Variants in PARP16 observed in about 807,000 individuals in gnomAD.
The protein encoded by PARP16 is poly(ADP-ribose) polymerase family member 16.
PARP16 carries 31 observed loss-of-function variants against 35.0 expected under a neutral mutation model. The observed-to-expected ratio is 0.88, with a 90% confidence interval of 0.66 to 1.19. The LOEUF (loss-of-function observed/expected upper bound fraction) is 1.19. Ranked by LOEUF, PARP16 falls within the 50% of genes most tolerant of loss-of-function variation. The pLI is 0.00. For missense variants in PARP16, 424 were observed against 411.2 expected (o/e 1.03, Z -0.27); for synonymous variants, 162 against 169.5 (o/e 0.96, Z 0.34).
At chr15:65,243,311 G>A (rs1177004957) in intron 3 of PARP16, among the ~76,000 whole-genome samples, 1 of 151,926 alleles carries the variant, frequency 6.6e-6, no homozygotes, top group Non-Finnish European at 1.5e-5. Context: ...GAGTGCAGTG[G>A]CGCAATCTCA....
chr15:65,253,980 G>C (rs2089433253), downstream of PARP16, among the ~76,000 whole-genome samples: 2 of 152,068 alleles, frequency 1.3e-5, no homozygotes, highest in African/African-American at 4.8e-5. Flanking sequence ...ACCACACCCG[G>C]CTAATTTTTG....
At chr15:65,272,780 T>C (rs1208347018) in intron 1 of PARP16, among the ~76,000 whole-genome samples, 2 of 152,196 alleles carry the variant, frequency 1.3e-5, no homozygotes, top group African/African-American at 4.8e-5. Flanking sequence ...CTGTTGAGCT[T>C]CTATCTCCTC....
At chr15:65,259,621 C>G in intron 5 of PARP16, 79 bp from the exon 6 acceptor site, 5 of 1,310,838 alleles carry the variant, frequency 3.8e-6, no homozygotes, top group Non-Finnish European at 5.4e-6. Context: ...AAGTCTGGCT[C>G]TAAGAAGACA....
intron 2 of PARP16, among the ~76,000 whole-genome samples, chr15:65,267,423 C>T (rs1302515779): frequency 7.9e-5 from 12 of 151,046 alleles, no homozygotes; most frequent in African/African-American, 2.9e-4. Context: ...CCAGCTAACA[C>T]GGTGAAACCC....
At chr15:65,256,070 T>C (rs567899771), downstream of PARP16, among the ~76,000 whole-genome samples, 1 of 152,326 alleles carries the variant, frequency 6.6e-6, no homozygotes, top group South Asian at 2.1e-4. Flanking sequence ...ATAACCGTGG[T>C]TTCTCAGCAC....
In PARP16 at chr15:65,267,633, A is replaced by C. The variant is rs199880166; in HGVS notation, c.313-865T>G. 7.3e-5 allele frequency among the ~76,000 whole-genome samples: 4 copies of C among 55,092 alleles called. No homozygotes were observed. In the Admixed American group the frequency reaches 9.1e-4, roughly 13 times the overall value. 36.1% of individuals were successfully genotyped at this position (55,092 alleles called of 152,430 possible). A position where few individuals can be genotyped will look rare whatever the true frequency, so the allele number is the denominator to read the frequency against. On this transcript the variant is annotated intron_variant, in intron 2 of 5. Transcript: ENST00000649807. ...AAAAATAAATAAATTAATTAATTAA[A>C]TAATAATTAAAAAAATAAGTGGAGA...
intron 3 of PARP16, among the ~76,000 whole-genome samples, chr15:65,241,572 A>G (rs2089081814): frequency 6.6e-6 from 1 of 152,016 alleles, no homozygotes; most frequent in Non-Finnish European, 1.5e-5. Context: ...GTGGTATTTC[A>G]CTATGTTTTA....
chr15:65,276,595 G>A (rs1330811507), intron 1 of PARP16, among the ~76,000 whole-genome samples: 2 of 151,962 alleles, frequency 1.3e-5, no homozygotes, highest in South Asian at 2.1e-4. Flanking sequence ...CAAAACTCCC[G>A]GGCTCATGCA....
chr15:65,242,691 AAC>A (rs1437058169), intron 3 of PARP16, among the ~76,000 whole-genome samples: 1 of 152,128 alleles, frequency 6.6e-6, no homozygotes, highest in Non-Finnish European at 1.5e-5. Flanking sequence ...CAACTTTGCT[AAC>A]CTCAGTTATT....
At chr15:65,270,370 A>T (rs2090055031) in intron 2 of PARP16, among the ~76,000 whole-genome samples, 1 of 152,210 alleles carries the variant, frequency 6.6e-6, no homozygotes, top group Non-Finnish European at 1.5e-5. Flanking sequence ...ATAAATGGAA[A>T]AAAGGAGGCC....
chr15:65,276,363 A>C lies in PARP16; in HGVS notation c.175-5291T>G, dbSNP rs1280846037. 3.9e-5 allele frequency among the ~76,000 whole-genome samples: 6 copies of C among 152,198 alleles called. No homozygotes were observed. In the East Asian group the frequency reaches 1.2e-3, roughly 29 times the overall value. ...ATTTCAGATAAACAACAACAACAAC[A>C]AAAGACCCATTTTGTTTTTTTTAAA... On this transcript the variant is annotated intron_variant, in intron 1 of 5. Coordinates refer to ENST00000649807, the MANE Select transcript of PARP16 (RefSeq NM_001316943.2).
At chr15:65,256,035 T>G (rs1482431830), downstream of PARP16, among the ~76,000 whole-genome samples, 1 of 152,184 alleles carries the variant, frequency 6.6e-6, no homozygotes, top group Non-Finnish European at 1.5e-5. Flanking sequence ...TCCAATCCAG[T>G]AAATCCAACA....
intron 2 of PARP16, among the ~76,000 whole-genome samples, chr15:65,250,134 T>A (rs1319608934): frequency 9.2e-6 from 1 of 108,946 alleles, no homozygotes; most frequent in Non-Finnish European, 2.0e-5. Context: ...TTTTTTTTTT[T>A]TGAGACAGAG....
At chr15:65,232,127 C>T (rs868301811), downstream of PARP16, among the ~76,000 whole-genome samples, 1 of 152,146 alleles carries the variant, frequency 6.6e-6, no homozygotes, top group Non-Finnish European at 1.5e-5. Context: ...GGTGGCTCAA[C>T]ACTGGTAATC....
In PARP16 at chr15:65,266,674, G is replaced by T; in HGVS notation, c.407C>A (p.Ala136Asp). 6.2e-7 allele frequency: 1 copy of T among 1,614,116 alleles called. No homozygotes were observed. Among genetic ancestry groups the T allele is most frequent in the Non-Finnish European group, 8.5e-7 (1 of 1,179,996 alleles). The change falls in exon 3 of 6, where the codon GCC (alanine) becomes GAC (aspartate). Residue 136 changes from alanine (A) to aspartate (D), a missense_variant. By Grantham distance (126) the Ala-to-Asp change is moderately radical. Coordinates refer to ENST00000649807, the MANE Select transcript of PARP16 (RefSeq NM_001316943.2). ...FEIEYFDPAN[A>D]KFYETKGERD... ...TTCTCCTTTGGTCTCATAAAATTTG[G>T]CGTTGGCTGGGTCAAAGTACTCAAT...
intron 1 of PARP16, among the ~76,000 whole-genome samples, chr15:65,272,441 G>T (rs571107691): frequency 6.6e-6 from 1 of 152,164 alleles, no homozygotes; most frequent in Non-Finnish European, 1.5e-5. Context: ...AGTTATGACT[G>T]ACTAGAGGTC....
rs766723091 is a variant in PARP16, at chr15:65,286,345, C to T, written c.82G>A (p.Ala28Thr). 2 of 1,599,502 alleles carry T rather than the reference C, an allele frequency of 1.3e-6. No homozygotes were observed. Among genetic ancestry groups the T allele is most frequent in the Non-Finnish European group, 1.7e-6 (2 of 1,174,592 alleles). ...CGCTTGTAGCTCTGCAGGGCCGAGGCGAAGAGGCTGCACCGGAGGTCGGCG... is the reference window on the plus strand; with the variant it reads ...CGCTTGTAGCTCTGCAGGGCCGAGGTGAAGAGGCTGCACCGGAGGTCGGCG... ...LAADLRCSLFASALQSYKRDS... is the reference protein window; with the variant it reads ...LAADLRCSLFTSALQSYKRDS... Residue 28 changes from alanine (A) to threonine (T), a missense_variant, in exon 1 of 6, where the codon GCC (alanine) becomes ACC (threonine). Ala to Thr is a moderately conservative substitution (Grantham distance 58, BLOSUM62 0). Coordinates refer to ENST00000649807, the MANE Select transcript of PARP16 (RefSeq NM_001316943.2).
chr15:65,248,251 A>C (rs149444210), intron 2 of PARP16: 111 of 456,510 alleles, frequency 2.4e-4, no homozygotes, highest in African/African-American at 2.0e-3. Context: ...CAATCACAGA[A>C]CAAGTACTTT....
intron 4 of PARP16, 121 bp downstream of exon 4, chr15:65,263,028 G>T: frequency 1.1e-6 from 1 of 889,870 alleles, no homozygotes; most frequent in Non-Finnish European, 1.8e-6. Flanking sequence ...GTCCGGCACT[G>T]CCCTGGATCC....
Sources: allele counts gnomAD v4.1 joint callset (sites outside exome capture counted in the v4.1 genomes callset), GRCh38; gene constraint gnomAD v4.1.1; transcripts MANE v1.5; gene names NCBI Gene and HGNC (gene_info 2026-07-23, HGNC 2026-07-21).